SLC39A12: variants seen among roughly 807,000 people sequenced by gnomAD.
The protein encoded by SLC39A12 is zinc transporter ZIP12.
Under a neutral mutation model 71.1 loss-of-function variants are expected in SLC39A12, and 63 were observed. The observed-to-expected ratio is 0.89, with a 90% CI of 0.72 to 1.09. SLC39A12 has a LOEUF of 1.09. Ranked by LOEUF, SLC39A12 falls within the 50% of genes least tolerant of loss-of-function variation. The pLI is 0.00. For missense variants in SLC39A12, 892 were observed against 812.6 expected (o/e 1.10, Z -1.19); for synonymous variants, 351 against 301.3 (o/e 1.16, Z -1.71).
chr10:17,969,207 T>A (rs1834907995), intron 4 of SLC39A12, among the ~76,000 whole-genome samples: 1 of 152,200 alleles, frequency 6.6e-6, no homozygotes, highest in Non-Finnish European at 1.5e-5. Context: ...GACACTTAGG[T>A]TGCTTCCAGA....
At chr10:18,036,906 C>G (rs569420021) in intron 12 of SLC39A12, among the ~76,000 whole-genome samples, 13 of 151,004 alleles carry the variant, frequency 8.6e-5, no homozygotes, top group African/African-American at 2.4e-4. Flanking sequence ...CTTGCCTCAG[C>G]CTTTCAAGTA....
At chr10:17,986,345 G>A (rs2497836) in intron 6 of SLC39A12, among the ~76,000 whole-genome samples, 64,674 of 151,988 alleles carry the variant, frequency 0.43, 14,223 homozygotes, top group East Asian at 0.55. Flanking sequence ...AGTCCTTGCT[G>A]TAACAAAATA....
chr10:18,013,140 G>A (rs1316513121), intron 12 of SLC39A12, among the ~76,000 whole-genome samples: 1 of 150,834 alleles, frequency 6.6e-6, no homozygotes, highest in Non-Finnish European at 1.5e-5. Context: ...ATTATAATAA[G>A]CTAAAAAGCT....
intron 1 of SLC39A12, among the ~76,000 whole-genome samples, chr10:17,952,732 C>G (rs908218637): frequency 2.0e-5 from 3 of 152,150 alleles, no homozygotes; most frequent in East Asian, 3.9e-4. Flanking sequence ...CGTGATCTGC[C>G]TGCTTCAGCC....
chr10:17,977,937 A>G lies in SLC39A12; in HGVS notation c.787A>G (p.Ser263Gly). ...DQLLNTLWTR[S>G]TCIKNEKIHQ... ...ACTCCTCAACACTCTCTGGACCAGA[A>G]GTACTTGTATCAAAAATGAGAAAAT... The change falls in exon 5 of 13, where the codon AGT (serine) becomes GGT (glycine). Residue 263 changes from serine (S) to glycine (G), a missense_variant. Coordinates refer to ENST00000377369, the MANE Select transcript of SLC39A12 (RefSeq NM_001145195.2). 1.2e-6 allele frequency: 2 copies of G among 1,610,738 alleles called. No individual in the cohort carries two copies. The highest frequency in any genetic ancestry group is 1.7e-6 in the Non-Finnish European group (2 of 1,178,892).
intron 12 of SLC39A12, among the ~76,000 whole-genome samples, chr10:18,036,244 A>T (rs935571952): frequency 6.6e-6 from 1 of 151,984 alleles, no homozygotes; most frequent in African/African-American, 2.4e-5. Context: ...CCCCTCCCCC[A>T]GCCTCACTGC....
In SLC39A12 at chr10:17,953,393, T is replaced by A. The variant is rs782652971; in HGVS notation, c.117T>A (p.Ser39Arg). ...CCCAGGATAGCAGAAGCCGTGGGAG[T>A]TCAGGCCAACCGGCAGACCTGCTAC... Reference protein sequence around the residue: ...PSAQDSRSRGSSGQPADLLQV... With the variant: ...PSAQDSRSRGRSGQPADLLQV... Residue 39 changes from serine to arginine, a missense_variant, in exon 2 of 13, where the codon AGT becomes AGA. Ser to Arg is a moderately radical substitution (Grantham distance 110, BLOSUM62 -1). Coordinates refer to ENST00000377369, the MANE Select transcript of SLC39A12 (RefSeq NM_001145195.2). The A allele has an allele frequency of 1.2e-5, 19 of 1,613,884 alleles. No homozygotes were observed. The highest frequency in any genetic ancestry group is 1.4e-5 in the Non-Finnish European group (17 of 1,180,010).
intron 12 of SLC39A12, among the ~76,000 whole-genome samples, chr10:18,041,061 T>C (rs1336612608): frequency 6.6e-6 from 1 of 152,036 alleles, no homozygotes; most frequent in Non-Finnish European, 1.5e-5. Flanking sequence ...TTGAGTTAAA[T>C]CTCCAATCCT....
intron 5 of SLC39A12, among the ~76,000 whole-genome samples, chr10:17,978,360 A>T (rs1187548725): frequency 6.6e-6 from 1 of 152,214 alleles, no homozygotes; most frequent in Non-Finnish European, 1.5e-5. Context: ...TGAGCATTTT[A>T]TGCACACCGC....
rs986220834 is a variant in SLC39A12 at position 17,960,581 on chromosome 10, C to T, written c.262-1000C>T. Reference sequence around the variant, plus strand: ...AGGATAGAACTACGCAAAAAGCAGACGAAATCTGCTGTTAGTGGACCACAG... The same window carrying T: ...AGGATAGAACTACGCAAAAAGCAGATGAAATCTGCTGTTAGTGGACCACAG... On this transcript the variant is annotated intron_variant, in intron 2 of 12. Coordinates refer to ENST00000377369, the MANE Select transcript of SLC39A12 (RefSeq NM_001145195.2). 1.2e-4 allele frequency among the ~76,000 whole-genome samples: 19 copies of T among 152,210 alleles called. 1 individual carries two copies. Among genetic ancestry groups the T allele is most frequent in the African/African-American group, 4.1e-4 (17 of 41,516 alleles).
At chr10:18,027,487 G>A (rs1270556319) in intron 12 of SLC39A12, among the ~76,000 whole-genome samples, 3 of 152,204 alleles carry the variant, frequency 2.0e-5, no homozygotes, top group South Asian at 2.1e-4. Context: ...GTGAGAACCC[G>A]TGGAGCTCCT....
chr10:18,041,421 G>A (rs972436997), intron 12 of SLC39A12, among the ~76,000 whole-genome samples: 5 of 150,726 alleles, frequency 3.3e-5, no homozygotes, highest in African/African-American at 4.9e-5. Flanking sequence ...GCTTGAACCC[G>A]GGAGGCAGAC....
At chr10:18,011,833 T>G (rs1414890914) in intron 12 of SLC39A12, among the ~76,000 whole-genome samples, 2 of 152,238 alleles carry the variant, frequency 1.3e-5, no homozygotes, top group African/African-American at 4.8e-5. Flanking sequence ...GCAAACTGCT[T>G]CATGAATTGC....
At chr10:18,030,581 C>A (rs1836814402) in intron 12 of SLC39A12, among the ~76,000 whole-genome samples, 1 of 151,300 alleles carries the variant, frequency 6.6e-6, no homozygotes, top group Non-Finnish European at 1.5e-5. Flanking sequence ...AAACATAGAA[C>A]CAGTACTGTG....
At position 17,953,462 on chromosome 10, in the gene SLC39A12, A is replaced by G; in HGVS notation, c.186A>G (p.Arg62=). ...AGDHPPHNHS[R]SLIKTLLEKT... ...ACCACCCACCCCACAACCACTCAAG[A>G]AGCCTCATCAAAACATTGTTGGAGA... Residue 62 remains arginine (R), a synonymous_variant, in exon 2 of 13, where the codon AGA becomes AGG. Transcript: ENST00000377369. 1 of 1,614,188 alleles carries G rather than the reference A, an allele frequency of 6.2e-7. No individual in the cohort carries two copies. The highest frequency in any genetic ancestry group is 1.1e-5 in the South Asian group (1 of 91,080).
chr10:18,017,195 C>G (rs966779028), intron 12 of SLC39A12, among the ~76,000 whole-genome samples: 1 of 152,168 alleles, frequency 6.6e-6, no homozygotes, highest in Non-Finnish European at 1.5e-5. Context: ...TCTTTAGCAT[C>G]TTGCCTGAAA....
chr10:17,984,183 G>A (rs183062365), intron 6 of SLC39A12, among the ~76,000 whole-genome samples: 111 of 152,330 alleles, frequency 7.3e-4, no homozygotes, highest in African/African-American at 2.7e-3. Flanking sequence ...GCAGGGACCT[G>A]CAGTAAATTA....
At chr10:17,952,306 TGA>T (rs1435810577) in intron 1 of SLC39A12, among the ~76,000 whole-genome samples, 3 of 84,532 alleles carry the variant, frequency 3.5e-5, no homozygotes, top group Non-Finnish European at 5.4e-5. Flanking sequence ...CACCACTGAG[TGA>T]GTGTGTGTGT....
chr10:17,953,215 C>T lies in SLC39A12; in HGVS notation c.-62C>T, dbSNP rs550931478. ...GAAATTCCTTTGGTTACAAGTTTAC[C>T]CCATAAACGGCAACACACTCACCTC... On this transcript the variant is annotated 5_prime_UTR_variant, in exon 2 of 13. Coordinates refer to ENST00000377369, the MANE Select transcript of SLC39A12 (RefSeq NM_001145195.2). The T allele has an allele frequency of 3.4e-4, 522 of 1,555,702 alleles. 2 individuals are homozygous for T. The highest frequency in any genetic ancestry group is 1.9e-3 in the South Asian group (152 of 81,328).
Sources: allele counts gnomAD v4.1 joint callset (sites outside exome capture counted in the v4.1 genomes callset), GRCh38; gene constraint gnomAD v4.1.1; transcripts MANE v1.5; gene names NCBI Gene and HGNC (gene_info 2026-07-23, HGNC 2026-07-21).